The following SENP6 variants were observed in gnomAD, a reference collection of about 807,000 sequenced individuals.
SENP6 encodes SUMO specific peptidase 6.
Under a neutral mutation model 134.5 loss-of-function variants are expected in SENP6, and 41 were observed. The ratio of observed to expected loss-of-function variants is 0.30; its 90% CI spans 0.24 to 0.40. The LOEUF (loss-of-function observed/expected upper bound fraction) is 0.40, where lower values mean the gene tolerates loss of function less well. Among genes scored for constraint, SENP6 ranks in the 10% least tolerant of loss-of-function variants. The probability of loss-of-function intolerance (pLI) is 1.00; values close to 1 mark genes in which losing one functional copy is unlikely to be tolerated. For synonymous variants in SENP6, 395 were observed against 429.8 expected, an observed-to-expected ratio of 0.92 and a Z score of 1.00; for missense variants, 1,248 against 1,312.5, an observed-to-expected ratio of 0.95 and a Z score of 0.76.
chr6:75,628,590 A>G (rs534913399), intron 3 of SENP6, among the ~76,000 whole-genome samples: 3 of 152,336 alleles, frequency 2.0e-5, no homozygotes, highest in South Asian at 4.1e-4. Context: ...AAAAATTGAC[A>G]CATAACAATT....
intron 1 of SENP6, among the ~76,000 whole-genome samples, chr6:75,615,455 C>G (rs1767783689): frequency 6.6e-6 from 1 of 152,206 alleles, no homozygotes; most frequent in Admixed American, 6.5e-5. Context: ...GCTGGGATTA[C>G]AGGCATGAGC....
intron 16 of SENP6, among the ~76,000 whole-genome samples, chr6:75,681,061 A>T (rs1773429179): frequency 6.6e-6 from 1 of 152,212 alleles, no homozygotes; most frequent in Non-Finnish European, 1.5e-5. Flanking sequence ...TAACACCAAG[A>T]AGACACAAAT....
chr6:75,620,720 A>G (rs925872647), intron 1 of SENP6: 2 of 152,292 alleles, frequency 1.3e-5, no homozygotes, highest in East Asian at 1.9e-4. Context: ...AGACATCAGA[A>G]TTATCCCCAC....
intron 14 of SENP6, chr6:75,677,487 A>G (rs545782527): frequency 7.6e-5 from 27 of 357,396 alleles, no homozygotes; most frequent in African/African-American, 4.4e-4. Context: ...TCCACATTCT[A>G]TCCTTATCTT....
intron 4 of SENP6, among the ~76,000 whole-genome samples, chr6:75,634,294 T>A (rs906870678): frequency 1.3e-5 from 2 of 152,158 alleles, no homozygotes; most frequent in Non-Finnish European, 2.9e-5. Flanking sequence ...GATTTTTATT[T>A]TAGTATTCTG....
chr6:75,651,162 T>G (rs1193508971), intron 7 of SENP6, among the ~76,000 whole-genome samples: 3 of 152,180 alleles, frequency 2.0e-5, no homozygotes, highest in African/African-American at 7.2e-5. Context: ...TAAGATCTCA[T>G]TTTTCTCTCC....
intron 16 of SENP6, among the ~76,000 whole-genome samples, chr6:75,688,724 C>T (rs1262308599): frequency 1.3e-5 from 2 of 152,062 alleles, no homozygotes; most frequent in Non-Finnish European, 2.9e-5. Flanking sequence ...GTTGGAGACC[C>T]AGCCTGTGCA....
chr6:75,709,261 T>C lies in SENP6; in HGVS notation c.2717-266T>C, dbSNP rs545761244. On this transcript the variant is annotated intron_variant, in intron 19 of 23. Coordinates refer to ENST00000447266, the MANE Select transcript of SENP6 (RefSeq NM_015571.4). ...ATATACATATGTATATGTATTTAAG[T>C]ATATGTATACTTAATCATATAGCTG... 7.9e-5 allele frequency among the ~76,000 whole-genome samples: 12 copies of C among 152,306 alleles called. No homozygotes were observed. In the South Asian group the frequency reaches 1.2e-3, roughly 16 times the overall value.
intron 1 of SENP6, 67 bp downstream of exon 1, chr6:75,602,643 C>A: frequency 6.8e-7 from 1 of 1,480,980 alleles, no homozygotes; most frequent in South Asian, 1.2e-5. Context: ...CCCCAGAACC[C>A]CGGATATTCA....
At chr6:75,649,546 C>T (rs1024335825) in intron 7 of SENP6, among the ~76,000 whole-genome samples, 1 of 152,072 alleles carries the variant, frequency 6.6e-6, no homozygotes, top group Non-Finnish European at 1.5e-5. Flanking sequence ...GAGATGGGGT[C>T]TCACTCTGTA....
Position 75,715,521 on chromosome 6 carries a change from A to G in SENP6, c.3266A>G (p.His1089Arg), listed in dbSNP as rs1420531171. The change falls in exon 24 of 24, where the codon CAT becomes CGT. Residue 1089 changes from histidine to arginine, a missense_variant. His to Arg is a conservative substitution (Grantham distance 29). Transcript: ENST00000447266. Reference sequence around the variant, plus strand: ...GATCAGAGCAAAGAGAAAAGAAAGCATAAGGACACTTACTCAACAGAAGCA... The same window carrying G: ...GATCAGAGCAAAGAGAAAAGAAAGCGTAAGGACACTTACTCAACAGAAGCA... The part of the protein sequence containing the change: ...QEDQSKEKRK[H>R]KDTYSTEAPL... The G allele has an allele frequency of 2.5e-6, 4 of 1,613,432 alleles. No homozygotes were observed. Among genetic ancestry groups the G allele is most frequent in the African/African-American group, 1.3e-5 (1 of 74,912 alleles).
intron 16 of SENP6, among the ~76,000 whole-genome samples, chr6:75,693,422 A>AC (rs1489933321): frequency 6.6e-6 from 1 of 151,564 alleles, no homozygotes; most frequent in Non-Finnish European, 1.5e-5. Context: ...AAAAAAAAAA[A>AC]AAAAAAACAC....
At chr6:75,671,630 G>A (rs1410529850) in intron 11 of SENP6, among the ~76,000 whole-genome samples, 1 of 152,134 alleles carries the variant, frequency 6.6e-6, no homozygotes, top group Non-Finnish European at 1.5e-5. Flanking sequence ...GCTGAGGCAG[G>A]AGAATTGCTT....
intron 8 of SENP6, among the ~76,000 whole-genome samples, chr6:75,660,963 C>A (rs184837931): frequency 6.6e-6 from 1 of 152,060 alleles, no homozygotes; most frequent in Non-Finnish European, 1.5e-5. Flanking sequence ...GCCCTAGAGT[C>A]ATTCATTTCT....
chr6:75,674,844 C>G (rs541795127), intron 11 of SENP6, among the ~76,000 whole-genome samples: 4 of 152,158 alleles, frequency 2.6e-5, no homozygotes, highest in Non-Finnish European at 5.9e-5. Context: ...TAACTCCCCG[C>G]TAAATTTTAC....
At chr6:75,657,526 T>C (rs1195481601) in intron 7 of SENP6, among the ~76,000 whole-genome samples, 1 of 152,228 alleles carries the variant, frequency 6.6e-6, no homozygotes, top group East Asian at 1.9e-4. Context: ...AGAGATGACA[T>C]AGTGACAATG....
At chr6:75,703,117 T>C (rs1775155421) in intron 19 of SENP6, 45 bp downstream of exon 19, 1 of 1,428,414 alleles carries the variant, frequency 7.0e-7, no homozygotes, top group South Asian at 1.4e-5. Flanking sequence ...TTCAGAATAA[T>C]CTGGATTTTT....
intron 6 of SENP6, among the ~76,000 whole-genome samples, chr6:75,641,427 T>G (rs909905458): frequency 6.6e-6 from 1 of 152,168 alleles, no homozygotes; most frequent in African/African-American, 2.4e-5. Flanking sequence ...GGGAAATGTA[T>G]TAAACACCTT....
intron 19 of SENP6, among the ~76,000 whole-genome samples, chr6:75,703,315 T>G (rs1775170609): frequency 6.6e-6 from 1 of 151,876 alleles, no homozygotes; most frequent in Admixed American, 6.6e-5. Context: ...AATAGAAAAT[T>G]TTTAAAGAAT....
Sources: gnomAD v4.1 joint callset for allele counts (sites outside exome capture counted in the v4.1 genomes callset) on GRCh38, gnomAD v4.1.1 for gene constraint, MANE v1.5 for transcripts, NCBI Gene and HGNC (gene_info 2026-07-23, HGNC 2026-07-21) for gene names.